Variants in RCAN2 observed in about 807,000 individuals in gnomAD.
RCAN2 encodes the protein calcipressin-2.
In RCAN2, 9 loss-of-function variants were observed where a neutral mutation model predicts 23.6. The ratio of observed to expected loss-of-function variants is 0.38; its 90% CI spans 0.23 to 0.67. The LOEUF is 0.67. Ranked by LOEUF, RCAN2 falls within the 30% of genes least tolerant of loss-of-function variation. RCAN2 has a pLI of 0.51. For synonymous variants in RCAN2, 109 were observed against 115.7 expected, an observed-to-expected ratio of 0.94 and a Z score of 0.37; for missense variants, 273 against 302.3, an observed-to-expected ratio of 0.90 and a Z score of 0.72.
chr6:46,415,402 G>A (rs1451172494), intron 2 of RCAN2, among the ~76,000 whole-genome samples: 1 of 152,114 alleles, frequency 6.6e-6, no homozygotes, highest in Non-Finnish European at 1.5e-5. Context: ...AAACAGAAGG[G>A]GAAACAGGAA....
At chr6:46,296,986 C>A (rs1287550644) in intron 2 of RCAN2, among the ~76,000 whole-genome samples, 1 of 152,118 alleles carries the variant, frequency 6.6e-6, no homozygotes, top group Non-Finnish European at 1.5e-5. Flanking sequence ...ACCAAAAATA[C>A]TCGAAATTAC....
intron 2 of RCAN2, among the ~76,000 whole-genome samples, chr6:46,354,340 C>G (rs192712113): frequency 6.6e-6 from 1 of 151,792 alleles, no homozygotes; most frequent in East Asian, 1.9e-4. Context: ...GTAGAATCAC[C>G]TGGGGAGCTG....
intron 2 of RCAN2, among the ~76,000 whole-genome samples, chr6:46,362,140 A>C (rs1046625607): frequency 6.6e-6 from 1 of 152,096 alleles, no homozygotes; most frequent in Non-Finnish European, 1.5e-5. Flanking sequence ...GATTGGGAAG[A>C]CCCAACTTAG....
chr6:46,284,264 G>C (rs1163536303), intron 2 of RCAN2, among the ~76,000 whole-genome samples: 1 of 152,086 alleles, frequency 6.6e-6, no homozygotes, highest in Non-Finnish European at 1.5e-5. Flanking sequence ...TCTTAGGTTG[G>C]AGTAAGGATA....
At chr6:46,476,807 T>A (rs946757415) in intron 1 of RCAN2, among the ~76,000 whole-genome samples, 4 of 152,108 alleles carry the variant, frequency 2.6e-5, no homozygotes, top group African/African-American at 9.7e-5. Context: ...TCAGAAGATT[T>A]TTGGAAAGCC....
chr6:46,247,553 C>G (rs1278596476), intron 3 of RCAN2, among the ~76,000 whole-genome samples: 2 of 152,230 alleles, frequency 1.3e-5, no homozygotes, highest in African/African-American at 2.4e-5. Context: ...TTTTCTGTCT[C>G]TACAGATTTA....
At position 46,274,296 on chromosome 6, in the gene RCAN2, A is replaced by G. The variant is rs945371467; in HGVS notation, c.226-25400T>C. ...ATCCCATTACTCTATTCAGGTAGCT[A>G]TATATAGGTCATCTACTGCCTCAAC... is the stretch of plus-strand genomic sequence containing the variant. On this transcript the variant is annotated intron_variant, in intron 2 of 4. Transcript: ENST00000371374. Among the ~76,000 whole-genome samples the G allele has an allele frequency of 5.3e-5, 8 of 152,300 alleles. No homozygotes were observed. In the South Asian group the frequency reaches 6.2e-4, roughly 12 times the overall value.
intron 2 of RCAN2, among the ~76,000 whole-genome samples, chr6:46,343,375 A>ATTTTTTTT (rs3084618): frequency 6.6e-5 from 9 of 135,656 alleles, no homozygotes; most frequent in Non-Finnish European, 9.4e-5. Flanking sequence ...TGGGAAAACA[A>ATTTTTTTT]TTTTTTTTTT....
At chr6:46,446,418 C>A (rs1283281626) in intron 2 of RCAN2, among the ~76,000 whole-genome samples, 1 of 152,058 alleles carries the variant, frequency 6.6e-6, no homozygotes, top group Non-Finnish European at 1.5e-5. Flanking sequence ...CAGTTTATCA[C>A]CACCAGACCT....
At chr6:46,330,621 C>T (rs1582111473) in intron 2 of RCAN2, among the ~76,000 whole-genome samples, 3 of 152,230 alleles carry the variant, frequency 2.0e-5, no homozygotes, top group South Asian at 4.1e-4. Context: ...CCTTTCTCCC[C>T]CTCTCCTTGA....
At chr6:46,248,937 C>T (rs1346648761) in intron 2 of RCAN2, 41 bp from the exon 3 acceptor site, 1 of 1,458,944 alleles carries the variant, frequency 6.9e-7, no homozygotes, top group Non-Finnish European at 9.4e-7. Context: ...TTGGCCATGG[C>T]ATGGATCTCG....
chr6:46,383,473 T>C (rs1328049697), intron 2 of RCAN2, among the ~76,000 whole-genome samples: 3 of 152,136 alleles, frequency 2.0e-5, no homozygotes, highest in Non-Finnish European at 4.4e-5. Context: ...AAGAAAGATA[T>C]GAATATTAAA....
chr6:46,314,522 C>CA (rs879443019), intron 2 of RCAN2, among the ~76,000 whole-genome samples: 2,270 of 141,526 alleles, frequency 0.016, 27 homozygotes, highest in African/African-American at 0.037. Context: ...AAACAAAAAA[C>CA]AAAAAAAAAA....
At chr6:46,349,080 A>G (rs1298231947) in intron 2 of RCAN2, among the ~76,000 whole-genome samples, 1 of 152,240 alleles carries the variant, frequency 6.6e-6, no homozygotes, top group East Asian at 1.9e-4. Flanking sequence ...CAGAACAAAT[A>G]TTAAAATTTA....
At chr6:46,276,504 TG>T (rs1357654448) in intron 2 of RCAN2, among the ~76,000 whole-genome samples, 2 of 152,316 alleles carry the variant, frequency 1.3e-5, no homozygotes, top group East Asian at 3.9e-4. Context: ...CCATGAGACC[TG>T]TCAATCTGCA....
At chr6:46,330,035 T>C (rs578076934) in intron 2 of RCAN2, among the ~76,000 whole-genome samples, 7 of 152,320 alleles carry the variant, frequency 4.6e-5, no homozygotes, top group South Asian at 2.1e-4. Context: ...TCCTTCTGTA[T>C]GGCCTTCTGG....
chr6:46,362,237 A>T (rs1037625092), intron 2 of RCAN2, among the ~76,000 whole-genome samples: 4 of 152,090 alleles, frequency 2.6e-5, no homozygotes, highest in African/African-American at 9.7e-5. Flanking sequence ...TAGGGAAAAA[A>T]ATATCGTCTT....
At position 46,370,247 on chromosome 6, in the gene RCAN2, C is replaced by T. The variant is rs143546402; in HGVS notation, c.225+86505G>A. Among the ~76,000 whole-genome samples the T allele has an allele frequency of 3.9e-5, 6 of 152,278 alleles. No homozygotes were observed. In the East Asian group the frequency reaches 9.7e-4, roughly 25 times the overall value. Reference sequence around the variant, plus strand: ...TAAGTCATCTGTACCCTTGACTAAGCCCCTGCCAGGCCTCCTTAACACCCA... The same window carrying T: ...TAAGTCATCTGTACCCTTGACTAAGTCCCTGCCAGGCCTCCTTAACACCCA... On this transcript the variant is annotated intron_variant, in intron 2 of 4. Transcript: ENST00000371374.
intron 2 of RCAN2, among the ~76,000 whole-genome samples, chr6:46,389,463 G>C (rs1011034161): frequency 2.6e-5 from 4 of 152,128 alleles, no homozygotes; most frequent in Non-Finnish European, 4.4e-5. Flanking sequence ...TCCATGCCCA[G>C]GTGCTTCCCA....
Sources: allele counts gnomAD v4.1 joint callset (sites outside exome capture counted in the v4.1 genomes callset), GRCh38; gene constraint gnomAD v4.1.1; transcripts MANE v1.5; gene names NCBI Gene and HGNC (gene_info 2026-07-23, HGNC 2026-07-21).